The following DMD variants were observed in gnomAD, a reference collection of about 807,000 sequenced individuals.
DMD encodes the protein dystrophin.
DMD carries 63 observed loss-of-function variants against 330.1 expected under a neutral mutation model. That is an observed-to-expected ratio of 0.19 (90% CI 0.16 to 0.24). The LOEUF (loss-of-function observed/expected upper bound fraction) is 0.24, where lower values mean the gene tolerates loss of function less well. DMD is among the 10% of genes least tolerant of loss of function. DMD has a pLI of 1.00. For synonymous variants in DMD, 1,223 were observed against 959.8 expected, an observed-to-expected ratio of 1.27 and a Z score of -5.07; for missense variants, 3,344 against 2,684.1, an observed-to-expected ratio of 1.25 and a Z score of -5.43.
chrX:32,912,030 G>GAA (rs1335695958), intron 2 of DMD, among the ~76,000 whole-genome samples: 1 of 64,720 alleles, frequency 1.5e-5, no homozygotes, highest in Non-Finnish European at 2.9e-5. Flanking sequence ...GGAGAGAAGG[G>GAA]GAGAGAGAGA....
At chrX:33,101,513 C>T (rs940872772) in intron 1 of DMD, among the ~76,000 whole-genome samples, 19 of 111,839 alleles carry the variant, frequency 1.7e-4, no homozygotes, top group Admixed American at 9.5e-5. Context: ...TGCCTGTAGT[C>T]CCAGCTACTT....
In DMD at chrX:32,448,549, T is replaced by A; in HGVS notation, c.3693A>T (p.Val1231=). 1 of 1,209,038 alleles carries A rather than the reference T, an allele frequency of 8.3e-7. No homozygotes were observed. The stretch of plus-strand genomic sequence containing the variant: ...GTTCCTTTTTTAAGGCCTCTTGTGC[T>A]ACAGGTGGAGCTTGAGCTATGACAC... The part of the protein sequence containing the change: ...VNSVIAQAPP[V]AQEALKKELE... The change falls in exon 27 of 79, where the codon GTA becomes GTT. Residue 1231 remains valine (V), a synonymous_variant. Coordinates refer to ENST00000357033, the MANE Select transcript of DMD (RefSeq NM_004006.3).
At chrX:31,176,466 CTTTG>C (rs906550449) in intron 71 of DMD, among the ~76,000 whole-genome samples, 4 of 111,397 alleles carry the variant, frequency 3.6e-5, no homozygotes, top group Non-Finnish European at 7.6e-5. Context: ...ATTAATTACT[CTTTG>C]TTTATTATTT....
rs187324239 is a variant in DMD at position 32,681,632 on chromosome X, A to G, written c.960+16238T>C. On this transcript the variant is annotated intron_variant, in intron 9 of 78. Coordinates refer to ENST00000357033, the MANE Select transcript of DMD (RefSeq NM_004006.3). ...TGTTCACTCAACTCTTAGAATATAC[A>G]ATACAATCGCAAACTGGGGCATATA... Among the ~76,000 whole-genome samples, 600 of 111,840 alleles carry G rather than the reference A, an allele frequency of 5.4e-3. 11 individuals carry two copies. Among genetic ancestry groups the G allele is most frequent in the African/African-American group, 0.019 (570 of 30,792 alleles).
At chrX:32,344,436 G>T (rs1394250383) in intron 39 of DMD, among the ~76,000 whole-genome samples, 3 of 111,617 alleles carry the variant, frequency 2.7e-5, no homozygotes, top group Non-Finnish European at 3.8e-5. Flanking sequence ...GTATTTGCAA[G>T]AATGAACTAC....
intron 60 of DMD, among the ~76,000 whole-genome samples, chrX:31,402,480 T>A (rs893458197): frequency 8.9e-6 from 1 of 111,901 alleles, no homozygotes; most frequent in African/African-American, 3.2e-5. Flanking sequence ...GGCAAAAAAA[T>A]TAGCTTCTCT....
intron 1 of DMD, among the ~76,000 whole-genome samples, chrX:33,166,116 A>C (rs1239934634): frequency 9.0e-6 from 1 of 111,550 alleles, no homozygotes; most frequent in Non-Finnish European, 1.9e-5. Flanking sequence ...GGATACAGGA[A>C]TACCAGGTCA....
chrX:31,929,150 GTAAA>G (rs1456381085), intron 47 of DMD, among the ~76,000 whole-genome samples: 4 of 111,958 alleles, frequency 3.6e-5, no homozygotes, highest in East Asian at 2.8e-4. Flanking sequence ...CAGTAGGTAA[GTAAA>G]TAAATAAACT....
rs1202037711 is a variant in DMD, at chrX:32,578,769, C to T, written c.1603-4923G>A. The stretch of plus-strand genomic sequence containing the variant: ...CGTTAAGAGATAGAGTGTTCCCAGG[C>T]GTATATCCACTAAGGCGGAAACAAT... On this transcript the variant is annotated intron_variant, in intron 13 of 78. Coordinates refer to ENST00000357033, the MANE Select transcript of DMD (RefSeq NM_004006.3). Among the ~76,000 whole-genome samples the T allele has an allele frequency of 5.4e-5, 6 of 111,180 alleles. No homozygotes were observed. The East Asian group carries it at 8.5e-4, about 16-fold the overall frequency.
intron 44 of DMD, among the ~76,000 whole-genome samples, chrX:32,101,803 G>A (rs763653438): frequency 9.0e-6 from 1 of 111,103 alleles, no homozygotes; most frequent in South Asian, 3.8e-4. Context: ...TTCATGTGTT[G>A]GAAACTTAAT....
In DMD at chrX:33,065,666, TG is replaced by T. The variant is rs768459514; in HGVS notation, c.32-45467del. Among the ~76,000 whole-genome samples the T allele has an allele frequency of 2.7e-5, 3 of 112,576 alleles. No homozygotes were observed. In the East Asian group the frequency reaches 8.4e-4, roughly 32 times the overall value. The stretch of plus-strand genomic sequence containing the variant: ...ATGCCAGCAGGCATACAGCAAATGC[TG>T]GAAGCCCATTGTTCATAACTTTACT... On this transcript the variant is annotated intron_variant, in intron 1 of 78. Coordinates refer to ENST00000357033, the MANE Select transcript of DMD (RefSeq NM_004006.3).
intron 1 of DMD, among the ~76,000 whole-genome samples, chrX:33,330,996 C>T (rs991614355): frequency 1.8e-5 from 2 of 111,956 alleles, no homozygotes; most frequent in African/African-American, 6.5e-5. Context: ...TCTTCTCATC[C>T]ACATAAACCA....
At chrX:33,148,374 C>G (rs894753214) in intron 1 of DMD, among the ~76,000 whole-genome samples, 6 of 112,129 alleles carry the variant, frequency 5.4e-5, no homozygotes, top group Admixed American at 3.8e-4. Context: ...ATATCCAGCA[C>G]TTGACTGCCC....
intron 9 of DMD, among the ~76,000 whole-genome samples, chrX:32,694,808 C>A (rs1051806804): frequency 4.5e-5 from 5 of 110,934 alleles, no homozygotes; most frequent in Non-Finnish European, 3.8e-5. Context: ...AGGTGTGCGC[C>A]ACCACACCCA....
intron 55 of DMD, among the ~76,000 whole-genome samples, chrX:31,556,098 T>C (rs1340108822): frequency 2.7e-5 from 3 of 110,697 alleles, no homozygotes; most frequent in Non-Finnish European, 5.7e-5. Flanking sequence ...CCGGGCGCAG[T>C]GGCTCACGCC....
At chrX:31,767,773 C>T (rs987013404) in intron 51 of DMD, among the ~76,000 whole-genome samples, 1 of 112,037 alleles carries the variant, frequency 8.9e-6, no homozygotes, top group Non-Finnish European at 1.9e-5. Context: ...AAGTTATAAT[C>T]AGAATTATTC....
chrX:31,251,120 G>T (rs1390657029), intron 63 of DMD, among the ~76,000 whole-genome samples: 1 of 107,508 alleles, frequency 9.3e-6, no homozygotes, highest in African/African-American at 3.4e-5. Context: ...ACAAAAACCT[G>T]GCCCTTCACC....
Position 32,362,770 on chromosome X carries a change from T to C in DMD, c.5325+18A>G, listed in dbSNP as rs777947039. 1 of 1,210,062 alleles carries C rather than the reference T, an allele frequency of 8.3e-7. No homozygotes were observed. Among genetic ancestry groups the C allele is most frequent in the Non-Finnish European group, 1.1e-6 (1 of 894,260 alleles). On this transcript the variant is annotated intron_variant, in intron 37 of 78. Coordinates refer to ENST00000357033, the MANE Select transcript of DMD (RefSeq NM_004006.3). ...GACCATTTAGCACAAGTTTCCACCT[T>C]GGAGTAGATCTTCCTACCTTTCCAG...
At chrX:31,896,917 T>C (rs1056830308) in intron 47 of DMD, among the ~76,000 whole-genome samples, 2 of 105,543 alleles carry the variant, frequency 1.9e-5, no homozygotes, top group African/African-American at 7.2e-5. Flanking sequence ...TGCTTTTTTC[T>C]TTTTTTTTTC....
Sources: gnomAD v4.1 joint callset for allele counts (sites outside exome capture counted in the v4.1 genomes callset) on GRCh38, gnomAD v4.1.1 for gene constraint, MANE v1.5 for transcripts, NCBI Gene and HGNC (gene_info 2026-07-23, HGNC 2026-07-21) for gene names.